WAC: variants seen among roughly 807,000 people sequenced by gnomAD.
WAC encodes WW domain-containing adapter protein with coiled-coil.
In WAC, 11 loss-of-function variants were observed where a neutral mutation model predicts 79.6. The observed-to-expected ratio is 0.14, with a 90% confidence interval of 0.09 to 0.23. WAC has a LOEUF of 0.23. Ranked by LOEUF, WAC falls within the 10% of genes least tolerant of loss-of-function variation. WAC has a pLI of 1.00. For missense variants in WAC, 728 were observed against 773.5 expected, an observed-to-expected ratio of 0.94 and a Z score of 0.70; for synonymous variants, 304 against 276.9, an observed-to-expected ratio of 1.10 and a Z score of -0.97.
At chr10:28,575,519 G>A (rs564862695) in intron 3 of WAC, among the ~76,000 whole-genome samples, 1 of 152,292 alleles carries the variant, frequency 6.6e-6, no homozygotes, top group East Asian at 1.9e-4. Context: ...TTTGACTATA[G>A]CTATTCTAGT....
intron 3 of WAC, among the ~76,000 whole-genome samples, chr10:28,544,762 G>A (rs1319900309): frequency 6.6e-6 from 1 of 151,926 alleles, no homozygotes; most frequent in Non-Finnish European, 1.5e-5. Flanking sequence ...ATAGATGTAA[G>A]GGTTAAAAAA....
chr10:28,537,312 G>C (rs2132318972), intron 3 of WAC, among the ~76,000 whole-genome samples: 1 of 152,310 alleles, frequency 6.6e-6, no homozygotes, highest in East Asian at 1.9e-4. Context: ...TGTAAAGCCT[G>C]AGATGGTACT....
At chr10:28,608,673 T>C (rs554047599) in intron 8 of WAC, 3 of 477,438 alleles carry the variant, frequency 6.3e-6, no homozygotes, top group African/African-American at 2.0e-5. Context: ...ATACTTGTTA[T>C]GTGTCTGGTA....
At chr10:28,562,183 A>T (rs1838335310) in intron 3 of WAC, among the ~76,000 whole-genome samples, 1 of 152,086 alleles carries the variant, frequency 6.6e-6, no homozygotes, top group Admixed American at 6.5e-5. Context: ...CAACTTCCTG[A>T]GTAGCTGGGA....
chr10:28,561,894 G>A (rs1838318331), intron 3 of WAC, among the ~76,000 whole-genome samples: 2 of 152,070 alleles, frequency 1.3e-5, no homozygotes, highest in Admixed American at 1.3e-4. Context: ...AGGTGGAATC[G>A]TTTCACCCCA....
At chr10:28,548,335 A>G (rs1250691305) in intron 3 of WAC, among the ~76,000 whole-genome samples, 2 of 151,732 alleles carry the variant, frequency 1.3e-5, no homozygotes, top group African/African-American at 4.8e-5. Context: ...CTTCTCTTTT[A>G]CTTGTTTCTA....
chr10:28,578,949 A>G (rs1839388708), intron 3 of WAC, among the ~76,000 whole-genome samples: 1 of 152,086 alleles, frequency 6.6e-6, no homozygotes, highest in Non-Finnish European at 1.5e-5. Flanking sequence ...AATTTTGCTC[A>G]CCATTTAAGT....
At chr10:28,601,227 A>C (rs1046212004) in intron 7 of WAC, among the ~76,000 whole-genome samples, 2 of 152,164 alleles carry the variant, frequency 1.3e-5, no homozygotes, top group Admixed American at 6.5e-5. Flanking sequence ...CATGTAAAAC[A>C]ACACGGTTCA....
chr10:28,608,816 A>G (rs1841084977), intron 8 of WAC, among the ~76,000 whole-genome samples: 1 of 152,194 alleles, frequency 6.6e-6, no homozygotes, highest in Non-Finnish European at 1.5e-5. Flanking sequence ...ATAATTACTC[A>G]GAATATTTAA....
At chr10:28,591,999 G>C (rs1564405894) in intron 6 of WAC, among the ~76,000 whole-genome samples, 1 of 152,078 alleles carries the variant, frequency 6.6e-6, no homozygotes, top group South Asian at 2.1e-4. Flanking sequence ...GGTGTATTTG[G>C]TCTTAGAAGG....
chr10:28,597,190 A>G (rs1296982284), intron 7 of WAC, among the ~76,000 whole-genome samples: 2 of 152,108 alleles, frequency 1.3e-5, no homozygotes, highest in Non-Finnish European at 2.9e-5. Context: ...CCAAATGTCA[A>G]ATTCGGTAAA....
chr10:28,542,221 T>C (rs1267688841), intron 3 of WAC, among the ~76,000 whole-genome samples: 1 of 152,236 alleles, frequency 6.6e-6, no homozygotes, highest in Non-Finnish European at 1.5e-5. Flanking sequence ...CAGGGCCTTC[T>C]CTGCCCTTGC....
At chr10:28,618,723 G>A (rs1376260319) in intron 13 of WAC, among the ~76,000 whole-genome samples, 1 of 152,172 alleles carries the variant, frequency 6.6e-6, no homozygotes, top group African/African-American at 2.4e-5. Context: ...ACGTTCATGG[G>A]AATCTGGGTA....
Position 28,583,435 on chromosome 10 carries a change from A to G in WAC, c.311A>G (p.His104Arg). The change falls in exon 4 of 14, where the codon CAC becomes CGC. Residue 104 changes from histidine to arginine, a missense_variant. Physicochemically the swap from His to Arg is conservative, Grantham distance 29. Coordinates refer to ENST00000354911, the MANE Select transcript of WAC (RefSeq NM_016628.5). ...TCTCCACAAGAAAATTCACACAACC[A>G]CAGTGCTCTTCATAGTTCAAATTCA... The part of the protein sequence containing the change: ...SYSPQENSHN[H>R]SALHSSNSHS... 6.3e-7 allele frequency: 1 copy of G among 1,595,336 alleles called. No individual in the cohort carries two copies. Among genetic ancestry groups the G allele is most frequent in the Non-Finnish European group, 8.5e-7 (1 of 1,173,316 alleles).
rs1564426155 is a variant in WAC at position 28,621,214 on chromosome 10, G to GT, written c.*1608_*1609insT. 13 of 76,526 alleles carry GT rather than the reference G, an allele frequency of 1.7e-4. No individual in the cohort carries two copies. The highest frequency in any genetic ancestry group is 4.8e-4 in the South Asian group (1 of 2,080). The allele number at this position is 76,526 out of a possible 1,614,324, so 4.7% of individuals were successfully genotyped here. The stretch of plus-strand genomic sequence containing the variant: ...TTAAATTGGTTTAGGGTTTTTTGGT[G>GT]ATTTTTTTTTTTTTTTTTTTTCTGT... On this transcript the variant is annotated 3_prime_UTR_variant, in exon 14 of 14. Transcript: ENST00000354911.
chr10:28,533,960 C>G, intron 1 of WAC, 38 bp from the exon 2 acceptor site: 3 of 1,604,308 alleles, frequency 1.9e-6, no homozygotes, highest in Non-Finnish European at 2.6e-6. Flanking sequence ...CCACCCGCGC[C>G]GTGTCTTATG....
At chr10:28,556,082 C>A (rs1372226808) in intron 3 of WAC, among the ~76,000 whole-genome samples, 3 of 152,106 alleles carry the variant, frequency 2.0e-5, no homozygotes, top group Non-Finnish European at 4.4e-5. Flanking sequence ...ATTTCCTTTC[C>A]TTTGGATAGA....
intron 4 of WAC, among the ~76,000 whole-genome samples, chr10:28,586,987 C>T (rs1460679291): frequency 2.0e-5 from 3 of 151,940 alleles, no homozygotes; most frequent in African/African-American, 7.2e-5. Context: ...TTGAGCCAGG[C>T]GAGGTGCTTC....
chr10:28,541,815 A>G (rs537636127), intron 3 of WAC, among the ~76,000 whole-genome samples: 2 of 152,176 alleles, frequency 1.3e-5, no homozygotes, highest in East Asian at 1.9e-4. Flanking sequence ...CTATTTTATC[A>G]TTTTAGTTCT....
Sources: allele counts gnomAD v4.1 joint callset (sites outside exome capture counted in the v4.1 genomes callset), GRCh38; gene constraint gnomAD v4.1.1; transcripts MANE v1.5; gene names NCBI Gene and HGNC (gene_info 2026-07-23, HGNC 2026-07-21).